The following TLN2 variants were observed in gnomAD, a reference collection of about 807,000 sequenced individuals.
TLN2 encodes the protein talin 2.
A neutral mutation model predicts 294.7 loss-of-function variants in TLN2; 118 were observed. The observed-to-expected ratio is 0.40, with a 90% CI of 0.34 to 0.47. The LOEUF (loss-of-function observed/expected upper bound fraction) is 0.47. Among genes scored for constraint, TLN2 ranks in the 20% least tolerant of loss-of-function variants. The probability of loss-of-function intolerance (pLI) is 0.84; values close to 1 mark genes in which losing one functional copy is unlikely to be tolerated. For missense variants in TLN2, 3,083 were observed against 3,282.2 expected (o/e 0.94, Z 1.48); for synonymous variants, 1,431 against 1,304.5 (o/e 1.10, Z -2.09).
chr15:62,548,426 A>C (rs1200002842), intron 1 of TLN2, among the ~76,000 whole-genome samples: 1 of 152,246 alleles, frequency 6.6e-6, no homozygotes, highest in Non-Finnish European at 1.5e-5. Flanking sequence ...TAAACAATAA[A>C]GACAATGCAT....
intron 54 of TLN2, among the ~76,000 whole-genome samples, chr15:62,825,132 T>C (rs1054509773): frequency 6.6e-6 from 1 of 152,136 alleles, no homozygotes; most frequent in Non-Finnish European, 1.5e-5. Flanking sequence ...TCCTTCTCCA[T>C]TGAGAAGCGA....
At chr15:62,593,254 T>G (rs1414852812) in intron 2 of TLN2, among the ~76,000 whole-genome samples, 1 of 152,226 alleles carries the variant, frequency 6.6e-6, no homozygotes, top group Non-Finnish European at 1.5e-5. Flanking sequence ...ATTATGCTTC[T>G]TGATGACTGT....
intron 1 of TLN2, among the ~76,000 whole-genome samples, chr15:62,575,814 A>G (rs1041237709): frequency 2.0e-5 from 3 of 152,240 alleles, no homozygotes; most frequent in African/African-American, 4.8e-5. Flanking sequence ...ACCAGTGGAA[A>G]GCAAGTGAGT....
At chr15:62,717,346 G>A (rs902735778) in intron 23 of TLN2, among the ~76,000 whole-genome samples, 1 of 152,120 alleles carries the variant, frequency 6.6e-6, no homozygotes, top group Admixed American at 6.6e-5. Context: ...GAACTTCAAA[G>A]CTTGAGCTTT....
chr15:62,429,419 A>C (rs2034895258), intron 1 of TLN2, among the ~76,000 whole-genome samples: 1 of 152,126 alleles, frequency 6.6e-6, no homozygotes, highest in African/African-American at 2.4e-5. Context: ...GTGTCTAGCC[A>C]ACTCTGCATT....
chr15:62,396,114 A>C (rs1311622238), intron 1 of TLN2, among the ~76,000 whole-genome samples: 2 of 152,194 alleles, frequency 1.3e-5, no homozygotes, highest in Non-Finnish European at 2.9e-5. Context: ...GATTACAGGC[A>C]TGAGCCACTG....
chr15:62,800,712 C>T lies in TLN2; in HGVS notation c.6420C>T (p.Ala2140=), dbSNP rs955739919. Residue 2140 remains alanine (A), a synonymous_variant, in exon 50 of 59, where the codon GCC becomes GCT. Coordinates refer to ENST00000636159, the MANE Select transcript of TLN2 (RefSeq NM_015059.3). ...LKTVKAVEDE[A]TRGTRALEAT... ...CTGTAAAGGCAGTGGAGGATGAGGC[C>T]ACCCGGGGCACCAGGGCGCTTGAGG... The T allele has an allele frequency of 1.2e-6, 2 of 1,614,008 alleles. No homozygotes were observed. The highest frequency in any genetic ancestry group is 1.7e-6 in the Non-Finnish European group (2 of 1,179,966).
At chr15:62,549,964 G>C (rs1338429174) in intron 1 of TLN2, among the ~76,000 whole-genome samples, 1 of 152,010 alleles carries the variant, frequency 6.6e-6, no homozygotes, top group Non-Finnish European at 1.5e-5. Flanking sequence ...AATGTGGTCT[G>C]GGCAACATAC....
intron 3 of TLN2, among the ~76,000 whole-genome samples, chr15:62,643,024 A>G (rs916298086): frequency 3.3e-5 from 5 of 152,052 alleles, no homozygotes; most frequent in South Asian, 2.1e-4. Flanking sequence ...TCTTTTTGCT[A>G]TAGGGTAAGT....
At chr15:62,458,307 C>G (rs552427014) in intron 1 of TLN2, among the ~76,000 whole-genome samples, 45 of 152,194 alleles carry the variant, frequency 3.0e-4, no homozygotes, top group Non-Finnish European at 6.0e-4. Flanking sequence ...CCCGCCGCCT[C>G]TCCCTGATTC....
intron 48 of TLN2, among the ~76,000 whole-genome samples, chr15:62,797,838 G>A (rs1328807154): frequency 6.6e-6 from 1 of 152,210 alleles, no homozygotes; most frequent in African/African-American, 2.4e-5. Context: ...AGCCTGCCCA[G>A]GCACGGGGCT....
chr15:62,763,494 CA>C, intron 39 of TLN2, 68 bp from the exon 40 acceptor site: 2 of 1,519,114 alleles, frequency 1.3e-6, no homozygotes, highest in Non-Finnish European at 1.8e-6. Flanking sequence ...CCTGGCCCAC[CA>C]GTGCTGGAGC....
At chr15:62,787,086 AG>A (rs1567605124) in intron 45 of TLN2, among the ~76,000 whole-genome samples, 1 of 151,658 alleles carries the variant, frequency 6.6e-6, no homozygotes, top group Non-Finnish European at 1.5e-5. Flanking sequence ...TCTATTGACA[AG>A]GTCTCACTAT....
At chr15:62,638,865 G>C (rs2050685184) in intron 3 of TLN2, among the ~76,000 whole-genome samples, 1 of 152,038 alleles carries the variant, frequency 6.6e-6, no homozygotes, top group Non-Finnish European at 1.5e-5. Flanking sequence ...CTTTTTTTGA[G>C]TTGTGTATTT....
intron 1 of TLN2, among the ~76,000 whole-genome samples, chr15:62,574,282 A>T (rs2044187433): frequency 6.6e-6 from 1 of 151,800 alleles, no homozygotes. Context: ...GAAGGCTTTT[A>T]AAAAACATGA....
chr15:62,797,082 G>C (rs1567626460), intron 47 of TLN2, 137 bp from the exon 48 acceptor site: 3 of 876,452 alleles, frequency 3.4e-6, no homozygotes, highest in Non-Finnish European at 5.2e-6. Context: ...CGTTGGTAAA[G>C]GGAGGTGTAA....
At chr15:62,713,589 G>A (rs1447390605) in intron 22 of TLN2, among the ~76,000 whole-genome samples, 8 of 152,002 alleles carry the variant, frequency 5.3e-5, no homozygotes, top group African/African-American at 1.9e-4. Context: ...TGAGGCAGGA[G>A]AATTGCTTGA....
chr15:62,391,391 C>T (rs2032073913), intron 1 of TLN2, among the ~76,000 whole-genome samples: 1 of 152,218 alleles, frequency 6.6e-6, no homozygotes, highest in Admixed American at 6.5e-5. Flanking sequence ...TGCGGCTGGC[C>T]TCACACAGAC....
At chr15:62,653,091 C>T (rs1005920226) in intron 6 of TLN2, 71 bp from the exon 7 acceptor site, 1 of 1,316,622 alleles carries the variant, frequency 7.6e-7, no homozygotes, top group East Asian at 2.6e-5. Context: ...TGGAATATCA[C>T]AGGCCTTAGG....
Sources: allele counts gnomAD v4.1 joint callset (sites outside exome capture counted in the v4.1 genomes callset), GRCh38; gene constraint gnomAD v4.1.1; transcripts MANE v1.5; gene names NCBI Gene and HGNC (gene_info 2026-07-23, HGNC 2026-07-21).